Variants in THEMIS observed in about 807,000 individuals in gnomAD.
THEMIS encodes protein THEMIS.
In THEMIS, 37 loss-of-function variants were observed where a neutral mutation model predicts 52.6. That is an observed-to-expected ratio of 0.70 (90% CI 0.54 to 0.93). The LOEUF is 0.93. Ranked by LOEUF, THEMIS falls within the 40% of genes least tolerant of loss-of-function variation. THEMIS has a pLI of 0.00. For synonymous variants in THEMIS, 292 were observed against 272.7 expected (o/e 1.07, Z -0.70); for missense variants, 808 against 763.1 (o/e 1.06, Z -0.69).
chr6:127,842,899 G>C (rs1779096923), intron 2 of THEMIS, among the ~76,000 whole-genome samples: 1 of 152,012 alleles, frequency 6.6e-6, no homozygotes, highest in Admixed American at 6.6e-5. Flanking sequence ...TATCCTGCCT[G>C]CTGTGCAACT....
At chr6:127,857,396 G>C (rs549987290) in intron 1 of THEMIS, among the ~76,000 whole-genome samples, 1 of 144,620 alleles carries the variant, frequency 6.9e-6, no homozygotes, top group Non-Finnish European at 1.6e-5. Flanking sequence ...AGATGTGAAA[G>C]AGCCTGATAC....
At chr6:127,786,877 C>T (rs556426504) in intron 4 of THEMIS, among the ~76,000 whole-genome samples, 5 of 152,270 alleles carry the variant, frequency 3.3e-5, no homozygotes, top group South Asian at 2.1e-4. Context: ...CAATTCTTCT[C>T]AGCTGCATGA....
intron 2 of THEMIS, among the ~76,000 whole-genome samples, chr6:127,850,106 A>G (rs969903297): frequency 1.7e-4 from 26 of 152,220 alleles, no homozygotes; most frequent in African/African-American, 6.3e-4. Flanking sequence ...TCAAAAGACT[A>G]TACACATATG....
chr6:127,734,896 A>AAAAAATAT (rs1554216674), intron 4 of THEMIS, among the ~76,000 whole-genome samples: 1 of 65,442 alleles, frequency 1.5e-5, no homozygotes, highest in African/African-American at 5.5e-5. Flanking sequence ...AAAAAAAAAA[A>AAAAAATAT]ATATATATAT....
intron 4 of THEMIS, among the ~76,000 whole-genome samples, chr6:127,730,806 A>G (rs1180479539): frequency 1.3e-5 from 2 of 152,188 alleles, no homozygotes; most frequent in African/African-American, 4.8e-5. Flanking sequence ...TCTTTTAACT[A>G]AAGGGCCAGC....
In THEMIS at chr6:127,829,627, C is replaced by A. The variant is rs1450191423; in HGVS notation, c.558G>T (p.Glu186Asp). 4 of 1,613,960 alleles carry A rather than the reference C, an allele frequency of 2.5e-6. No individual in the cohort carries two copies. The highest frequency in any genetic ancestry group is 3.4e-6 in the Non-Finnish European group (4 of 1,180,014). The change falls in exon 3 of 6, where the codon GAG becomes GAT. Residue 186 changes from glutamate to aspartate, a missense_variant. Coordinates refer to ENST00000368248, the MANE Select transcript of THEMIS (RefSeq NM_001010923.3). ...CEDERIYTLK[E>D]IVEWKIPKNR... The stretch of plus-strand genomic sequence containing the variant: ...TCTTAGGAATCTTCCATTCAACAAT[C>A]TCCTTTAGAGTGTAAATACGTTCAT...
intron 2 of THEMIS, among the ~76,000 whole-genome samples, chr6:127,835,003 G>C (rs188853083): frequency 6.8e-4 from 103 of 152,256 alleles, no homozygotes; most frequent in South Asian, 2.7e-3. Flanking sequence ...GATGAGGAGA[G>C]AGAATGTGAG....
upstream of THEMIS, among the ~76,000 whole-genome samples, chr6:127,904,406 C>T (rs1781217754): frequency 6.6e-6 from 1 of 151,938 alleles, no homozygotes; most frequent in African/African-American, 2.4e-5. Context: ...AGTTGGGGCT[C>T]CTGAAGGCTG....
At chr6:127,819,924 C>T (rs1778277426) in intron 3 of THEMIS, among the ~76,000 whole-genome samples, 1 of 151,998 alleles carries the variant, frequency 6.6e-6, no homozygotes, top group African/African-American at 2.4e-5. Context: ...TAACAGAAAA[C>T]AGTCTGTTAA....
chr6:127,890,492 C>T (rs987892608), intron 1 of THEMIS, among the ~76,000 whole-genome samples: 1 of 151,870 alleles, frequency 6.6e-6, no homozygotes, highest in African/African-American at 2.4e-5. Context: ...ATACAGTTAG[C>T]TAGAAGGAAT....
chr6:127,866,943 T>TTTA lies in THEMIS; in HGVS notation c.92-11756_92-11755insTAA, dbSNP rs1318996469. 2.9e-5 allele frequency among the ~76,000 whole-genome samples: 4 copies of TTTA among 137,982 alleles called. No homozygotes were observed. In the East Asian group the frequency reaches 8.7e-4, roughly 30 times the overall value. The allele number at this position is 137,982 out of a possible 152,430, so 90.5% of individuals were successfully genotyped here. On this transcript the variant is annotated intron_variant, in intron 1 of 5. Transcript: ENST00000368248. ...TTGGCTAAGGCTACTAAGATTTTTA[T>TTTA]TTTTATTTTATTTATTTATTTATTT...
chr6:127,810,021 A>C (rs775423755), intron 4 of THEMIS, among the ~76,000 whole-genome samples: 2 of 151,628 alleles, frequency 1.3e-5, no homozygotes, highest in Non-Finnish European at 2.9e-5. Context: ...GACCAGTAAA[A>C]AAACAGCTAG....
intron 4 of THEMIS, among the ~76,000 whole-genome samples, chr6:127,776,032 A>G (rs1268187279): frequency 6.6e-6 from 1 of 151,998 alleles, no homozygotes; most frequent in Non-Finnish European, 1.5e-5. Context: ...TTTGTCTTTG[A>G]CCCATGTATT....
intron 4 of THEMIS, among the ~76,000 whole-genome samples, chr6:127,777,177 T>G (rs1248087961): frequency 6.6e-6 from 1 of 151,760 alleles, no homozygotes; most frequent in Non-Finnish European, 1.5e-5. Flanking sequence ...AGTTTAAATT[T>G]AACACCTTGG....
chr6:127,726,702 A>C (rs949585610), intron 4 of THEMIS, among the ~76,000 whole-genome samples: 59 of 152,234 alleles, frequency 3.9e-4, no homozygotes, highest in African/African-American at 1.3e-3. Context: ...AAAATCAAAT[A>C]CTAGTTCATG....
chr6:127,908,771 A>G (rs535082742), intron 1 of THEMIS, among the ~76,000 whole-genome samples: 1 of 152,088 alleles, frequency 6.6e-6, no homozygotes, highest in East Asian at 1.9e-4. Flanking sequence ...GTCTGTAGAA[A>G]GGGTATGCCC....
At chr6:127,745,443 T>G (rs575875899) in intron 4 of THEMIS, among the ~76,000 whole-genome samples, 3 of 152,032 alleles carry the variant, frequency 2.0e-5, no homozygotes, top group Admixed American at 6.6e-5. Flanking sequence ...AATATCTTTA[T>G]GCTATAATTT....
chr6:127,721,096 G>A (rs1465187265), intron 4 of THEMIS, among the ~76,000 whole-genome samples: 1 of 151,992 alleles, frequency 6.6e-6, no homozygotes, highest in Non-Finnish European at 1.5e-5. Context: ...ACTATGCCAT[G>A]AGGCTATGCC....
chr6:127,915,246 TTTG>T (rs148408287), intron 1 of THEMIS, among the ~76,000 whole-genome samples: 90,963 of 151,534 alleles, frequency 0.6, 27,982 homozygotes, highest in South Asian at 0.73. Context: ...ATAGTATCAT[TTTG>T]TTGTTGTTTG....
Sources: allele counts gnomAD v4.1 joint callset (sites outside exome capture counted in the v4.1 genomes callset), GRCh38; gene constraint gnomAD v4.1.1; transcripts MANE v1.5; gene names NCBI Gene and HGNC (gene_info 2026-07-23, HGNC 2026-07-21).